NLGN1: variants seen among roughly 807,000 people sequenced by gnomAD.
NLGN1 encodes neuroligin-1.
Under a neutral mutation model 65.5 loss-of-function variants are expected in NLGN1, and 12 were observed. That is an observed-to-expected ratio of 0.18 (90% confidence interval 0.12 to 0.30). The LOEUF (loss-of-function observed/expected upper bound fraction) is 0.30, where lower values mean the gene tolerates loss of function less well. Among genes scored for constraint, NLGN1 ranks in the 10% least tolerant of loss-of-function variants. The pLI, the probability that NLGN1 is intolerant of heterozygous loss-of-function variation, is 1.00. For synonymous variants in NLGN1, 350 were observed against 359.5 expected (o/e 0.97, Z 0.30); for missense variants, 750 against 1,007.1 (o/e 0.74, Z 3.46).
intron 3 of NLGN1, among the ~76,000 whole-genome samples, chr3:173,684,057 CAA>C (rs1764344954): frequency 3.3e-5 from 5 of 151,926 alleles, no homozygotes; most frequent in Non-Finnish European, 7.4e-5. Context: ...TCACAGTAAA[CAA>C]AAGTATATTG....
chr3:173,900,647 T>G (rs1305448156), intron 4 of NLGN1, among the ~76,000 whole-genome samples: 6 of 152,034 alleles, frequency 3.9e-5, no homozygotes, highest in Non-Finnish European at 8.8e-5. Flanking sequence ...AAGATTTACT[T>G]AAGATTATCT....
At chr3:173,501,108 A>T (rs1731044224) in intron 2 of NLGN1, among the ~76,000 whole-genome samples, 1 of 151,916 alleles carries the variant, frequency 6.6e-6, no homozygotes, top group African/African-American at 2.4e-5. Context: ...TTATTTTGTT[A>T]ATTTTTAGTT....
intron 4 of NLGN1, among the ~76,000 whole-genome samples, chr3:174,230,544 A>G (rs1447601303): frequency 1.3e-5 from 2 of 152,226 alleles, no homozygotes; most frequent in South Asian, 4.1e-4. Context: ...CAATTAAAAA[A>G]TGAGAATAGG....
At chr3:173,523,654 A>G (rs1194671212) in intron 2 of NLGN1, among the ~76,000 whole-genome samples, 10 of 151,614 alleles carry the variant, frequency 6.6e-5, no homozygotes, top group African/African-American at 2.4e-5. Context: ...TTTAGTTACT[A>G]TAGCCTTATA....
At chr3:173,678,609 G>A (rs570593807) in intron 3 of NLGN1, among the ~76,000 whole-genome samples, 1 of 152,176 alleles carries the variant, frequency 6.6e-6, no homozygotes, top group African/African-American at 2.4e-5. Flanking sequence ...CGACTATAAA[G>A]TAAAGAAGTT....
intron 4 of NLGN1, among the ~76,000 whole-genome samples, chr3:174,083,649 C>T (rs547876369): frequency 4.6e-5 from 7 of 151,948 alleles, no homozygotes; most frequent in East Asian, 3.9e-4. Context: ...AAAGAAATGC[C>T]GGAAAGTTCA....
At chr3:173,675,568 A>G (rs1425386956) in intron 3 of NLGN1, among the ~76,000 whole-genome samples, 2 of 152,134 alleles carry the variant, frequency 1.3e-5, no homozygotes, top group Non-Finnish European at 2.9e-5. Context: ...TCACTCAAAA[A>G]TTTTAGCCAA....
At chr3:173,653,782 C>T (rs1759570221) in intron 3 of NLGN1, among the ~76,000 whole-genome samples, 2 of 152,010 alleles carry the variant, frequency 1.3e-5, no homozygotes, top group South Asian at 4.1e-4. Context: ...GAGGCTTGGG[C>T]AGAAAAAGCC....
At chr3:173,763,709 A>G (rs1279142598) in intron 3 of NLGN1, among the ~76,000 whole-genome samples, 1 of 152,042 alleles carries the variant, frequency 6.6e-6, no homozygotes, top group East Asian at 1.9e-4. Context: ...CTAGAGCTAT[A>G]AGAAAAAGGG....
At chr3:173,687,175 T>C (rs917109320) in intron 3 of NLGN1, among the ~76,000 whole-genome samples, 3 of 152,324 alleles carry the variant, frequency 2.0e-5, no homozygotes, top group Admixed American at 2.0e-4. Flanking sequence ...ACCCTATGTT[T>C]GTAGAACCGA....
At chr3:173,776,468 T>A in intron 3 of NLGN1, among the ~76,000 whole-genome samples, 1 of 152,034 alleles carries the variant, frequency 6.6e-6, no homozygotes, top group Non-Finnish European at 1.5e-5. Flanking sequence ...CTACCATTAA[T>A]AAATAAAATC....
At chr3:173,604,100 A>G (rs1750989818) in intron 2 of NLGN1, among the ~76,000 whole-genome samples, 179 bp from the exon 2 acceptor site, 1 of 152,134 alleles carries the variant, frequency 6.6e-6, no homozygotes, top group Non-Finnish European at 1.5e-5. Context: ...TTTCTCAATA[A>G]TCTTATAATC....
chr3:173,797,942 A>G (rs1022429654), intron 3 of NLGN1, among the ~76,000 whole-genome samples: 5 of 152,102 alleles, frequency 3.3e-5, no homozygotes, highest in Middle Eastern at 3.2e-3. Context: ...TATAGAAAGC[A>G]CTGGCTCAGT....
intron 4 of NLGN1, among the ~76,000 whole-genome samples, chr3:173,874,201 TG>T (rs1731705699): frequency 6.6e-6 from 1 of 152,212 alleles, no homozygotes; most frequent in South Asian, 2.1e-4. Context: ...CTTTTCATAT[TG>T]GGCAGTCAAG....
chr3:173,832,666 T>G (rs1033934530), intron 4 of NLGN1, among the ~76,000 whole-genome samples: 1 of 152,258 alleles, frequency 6.6e-6, no homozygotes, highest in African/African-American at 2.4e-5. Flanking sequence ...TAGGAAAGTA[T>G]GAAAATTAAC....
At chr3:173,709,037 G>A (rs1184691482) in intron 3 of NLGN1, among the ~76,000 whole-genome samples, 1 of 152,198 alleles carries the variant, frequency 6.6e-6, no homozygotes, top group Non-Finnish European at 1.5e-5. Flanking sequence ...TTATGTATGT[G>A]AAAGACACAA....
chr3:174,004,038 T>C (rs964305125), intron 4 of NLGN1, among the ~76,000 whole-genome samples: 4 of 152,158 alleles, frequency 2.6e-5, no homozygotes, highest in African/African-American at 9.6e-5. Context: ...AATTTCTTTT[T>C]CCATGTCTGT....
intron 4 of NLGN1, among the ~76,000 whole-genome samples, chr3:174,020,105 T>C (rs1727439935): frequency 6.6e-6 from 1 of 152,158 alleles, no homozygotes; most frequent in Non-Finnish European, 1.5e-5. Flanking sequence ...ATAAATAACT[T>C]GTGTAACATA....
upstream of NLGN1, chr3:173,397,965 C>T (rs1420805123): frequency 1.3e-5 from 2 of 152,304 alleles, no homozygotes; most frequent in African/African-American, 4.8e-5. Flanking sequence ...GTGCAGTCGC[C>T]TCCAAAGCCT....
Sources: gnomAD v4.1 joint callset for allele counts (sites outside exome capture counted in the v4.1 genomes callset) on GRCh38, gnomAD v4.1.1 for gene constraint, MANE v1.5 for transcripts, NCBI Gene and HGNC (gene_info 2026-07-23, HGNC 2026-07-21) for gene names.